The following CSMD3 variants were observed in gnomAD, a reference collection of about 807,000 sequenced individuals.
CSMD3 encodes the protein CUB and sushi domain-containing protein 3.
A neutral mutation model predicts 435.2 loss-of-function variants in CSMD3; 177 were observed. That is an observed-to-expected ratio of 0.41 (90% confidence interval 0.36 to 0.46). CSMD3 has a LOEUF of 0.46. CSMD3 is among the 20% of genes least tolerant of loss of function. CSMD3 has a pLI of 0.34. For missense variants in CSMD3, 4,265 were observed against 4,504.6 expected (o/e 0.95, Z 1.52); for synonymous variants, 1,656 against 1,520.5 (o/e 1.09, Z -2.07).
chr8:112,639,719 G>A (rs1289502408), intron 20 of CSMD3, among the ~76,000 whole-genome samples: 6 of 152,050 alleles, frequency 3.9e-5, no homozygotes, highest in African/African-American at 9.7e-5. Flanking sequence ...CTCAGCATTA[G>A]GTATGTGAAA....
intron 12 of CSMD3, among the ~76,000 whole-genome samples, chr8:112,816,001 C>G (rs2079364965): frequency 6.6e-6 from 1 of 152,082 alleles, no homozygotes; most frequent in Non-Finnish European, 1.5e-5. Flanking sequence ...GAAAACTGCT[C>G]CCATCAGTTT....
chr8:112,830,917 C>T (rs1587420931), intron 11 of CSMD3, among the ~76,000 whole-genome samples: 1 of 151,336 alleles, frequency 6.6e-6, no homozygotes, highest in African/African-American at 2.4e-5. Flanking sequence ...CTCCTGAGTA[C>T]CTGGGACTAC....
intron 20 of CSMD3, among the ~76,000 whole-genome samples, chr8:112,642,131 A>C (rs1269793119): frequency 6.6e-6 from 1 of 152,138 alleles, no homozygotes; most frequent in Admixed American, 6.6e-5. Flanking sequence ...AATAGCGTTA[A>C]TATCTAGGTT....
chr8:112,517,218 A>G lies in CSMD3; in HGVS notation c.4572T>C (p.Val1524=), dbSNP rs1447801119. The G allele has an allele frequency of 1.2e-6, 2 of 1,613,264 alleles. No individual in the cohort carries two copies. Among genetic ancestry groups the G allele is most frequent in the South Asian group, 1.1e-5 (1 of 91,054 alleles). The change falls in exon 28 of 71, where the codon GTT becomes GTC. Residue 1524 remains valine (V), a synonymous_variant. Coordinates refer to ENST00000297405, the MANE Select transcript of CSMD3 (RefSeq NM_198123.2). The part of the protein sequence containing the change: ...SGFAIQFSSS[V]ATACRDPGVP... ...CCCCTGGGTCACGACACGCAGTGGC[A>G]ACAGAACCTATCAAAAGACAGAGAC...
At chr8:112,450,152 C>T (rs1816099969) in intron 32 of CSMD3, among the ~76,000 whole-genome samples, 1 of 152,134 alleles carries the variant, frequency 6.6e-6, no homozygotes, top group African/African-American at 2.4e-5. Flanking sequence ...AGATTATTCA[C>T]TTCATCTTAC....
chr8:112,760,950 A>G (rs111760000), intron 13 of CSMD3, among the ~76,000 whole-genome samples: 2,916 of 152,202 alleles, frequency 0.019, 51 homozygotes, highest in Middle Eastern at 0.048. Flanking sequence ...AGAAGATGTG[A>G]TTATTCAAAT....
intron 1 of CSMD3, among the ~76,000 whole-genome samples, chr8:113,409,164 A>T (rs772936006): frequency 3.5e-5 from 5 of 141,372 alleles, no homozygotes; most frequent in South Asian, 2.2e-4. Context: ...GCTCACTGCA[A>T]CCTCCGCCTC....
chr8:113,044,069 T>C (rs908980407), intron 5 of CSMD3, among the ~76,000 whole-genome samples: 7 of 152,074 alleles, frequency 4.6e-5, no homozygotes, highest in African/African-American at 1.2e-4. Flanking sequence ...TCCAGTGTTA[T>C]AGACCAGACA....
intron 16 of CSMD3, 120 bp downstream of exon 16, chr8:112,682,322 T>C (rs2075917639): frequency 1.2e-6 from 1 of 830,838 alleles, no homozygotes; most frequent in Non-Finnish European, 2.1e-6. Flanking sequence ...TAATATAGAA[T>C]ATCAAGAAAT....
intron 1 of CSMD3, among the ~76,000 whole-genome samples, chr8:113,385,464 T>A (rs2094435407): frequency 6.6e-6 from 1 of 152,086 alleles, no homozygotes; most frequent in Non-Finnish European, 1.5e-5. Flanking sequence ...ACTGAATCCA[T>A]ACATGCACCT....
At position 113,249,849 on chromosome 8, in the gene CSMD3, A is replaced by C. The variant is rs192372208; in HGVS notation, c.514+28743T>G. ...GCAATAGTATTCAAGAAAAAAAAAA[A>C]CAACAATTTAAAGACTTGTTTATAA... On this transcript the variant is annotated intron_variant, in intron 3 of 70. Transcript: ENST00000297405. Among the ~76,000 whole-genome samples, 103 of 152,048 alleles carry C rather than the reference A, an allele frequency of 6.8e-4. No individual in the cohort carries two copies. In the East Asian group the frequency reaches 0.014, roughly 20 times the overall value.
chr8:113,393,993 T>A (rs2094472190), intron 1 of CSMD3, among the ~76,000 whole-genome samples: 1 of 152,054 alleles, frequency 6.6e-6, no homozygotes, highest in South Asian at 2.1e-4. Flanking sequence ...TTTTATAAAG[T>A]GAGGTTTAGT....
intron 13 of CSMD3, among the ~76,000 whole-genome samples, chr8:112,762,609 T>C (rs1225488802): frequency 6.6e-6 from 1 of 151,964 alleles, no homozygotes; most frequent in Non-Finnish European, 1.5e-5. Context: ...TACTTTATTA[T>C]AGAATAGATT....
At chr8:112,604,330 A>G (rs531414891) in intron 22 of CSMD3, among the ~76,000 whole-genome samples, 2 of 152,212 alleles carry the variant, frequency 1.3e-5, no homozygotes, top group South Asian at 4.1e-4. Context: ...ATGAATTTTT[A>G]GAGTAGTTTT....
At chr8:112,803,926 G>A (rs996981049) in intron 12 of CSMD3, among the ~76,000 whole-genome samples, 1 of 152,190 alleles carries the variant, frequency 6.6e-6, no homozygotes, top group East Asian at 1.9e-4. Flanking sequence ...GATGGAACAA[G>A]CACACTGGGG....
chr8:113,141,956 A>G (rs2091560107), intron 4 of CSMD3, among the ~76,000 whole-genome samples: 1 of 151,092 alleles, frequency 6.6e-6, no homozygotes, highest in East Asian at 1.9e-4. Flanking sequence ...TAAAGAAATC[A>G]AGTATATTTC....
intron 16 of CSMD3, among the ~76,000 whole-genome samples, chr8:112,667,412 T>C (rs1390069069): frequency 5.9e-5 from 9 of 152,306 alleles, no homozygotes; most frequent in African/African-American, 1.9e-4. Flanking sequence ...CACTCTTATT[T>C]CTCTAGCTCT....
chr8:112,409,477 A>T (rs1832149902), intron 32 of CSMD3, among the ~76,000 whole-genome samples: 1 of 151,984 alleles, frequency 6.6e-6, no homozygotes, highest in African/African-American at 2.4e-5. Flanking sequence ...AGTTGTCCTT[A>T]AAAATGTTAT....
chr8:112,846,595 A>G (rs1183011141), intron 11 of CSMD3, among the ~76,000 whole-genome samples: 1 of 151,782 alleles, frequency 6.6e-6, no homozygotes, highest in Non-Finnish European at 1.5e-5. Flanking sequence ...TGTTTTGTAG[A>G]AAAAGGGTCT....
Sources: gnomAD v4.1 joint callset for allele counts (sites outside exome capture counted in the v4.1 genomes callset) on GRCh38, gnomAD v4.1.1 for gene constraint, MANE v1.5 for transcripts, NCBI Gene and HGNC (gene_info 2026-07-23, HGNC 2026-07-21) for gene names.